Variants in PSMD1 observed in about 807,000 individuals in gnomAD.
PSMD1 encodes proteasome 26S subunit, non-ATPase 1, also known as 26S proteasome non-ATPase regulatory subunit 1.
Under a neutral mutation model 119.0 loss-of-function variants are expected in PSMD1, and 18 were observed. The ratio of observed to expected loss-of-function variants is 0.15; its 90% confidence interval spans 0.10 to 0.22. The LOEUF (loss-of-function observed/expected upper bound fraction) is 0.22, where lower values mean the gene tolerates loss of function less well. Among genes scored for constraint, PSMD1 ranks in the 10% least tolerant of loss-of-function variants. The pLI, the probability that PSMD1 is intolerant of heterozygous loss-of-function variation, is 1.00. For synonymous variants in PSMD1, 374 were observed against 396.6 expected, an observed-to-expected ratio of 0.94 and a Z score of 0.68; for missense variants, 702 against 1,158.5, an observed-to-expected ratio of 0.61 and a Z score of 5.72.
intron 18 of PSMD1, among the ~76,000 whole-genome samples, chr2:231,147,846 C>G (rs1696286257): frequency 6.6e-6 from 1 of 152,144 alleles, no homozygotes; most frequent in Non-Finnish European, 1.5e-5. Flanking sequence ...GCACACCACC[C>G]TCATTTTCAG....
chr2:231,132,098 AATT>A (rs1191322426), intron 16 of PSMD1, among the ~76,000 whole-genome samples: 6 of 152,142 alleles, frequency 3.9e-5, no homozygotes, highest in Admixed American at 6.6e-5. Flanking sequence ...TCTCAGGCAA[AATT>A]TTTTCTAAAC....
intron 16 of PSMD1, among the ~76,000 whole-genome samples, chr2:231,106,487 G>A (rs776298246): frequency 1.4e-4 from 22 of 151,992 alleles, no homozygotes; most frequent in African/African-American, 3.9e-4. Flanking sequence ...GTGTGGGGGC[G>A]GGCACCTGTA....
intron 15 of PSMD1, among the ~76,000 whole-genome samples, chr2:231,086,639 A>G (rs1278800164): frequency 6.6e-6 from 1 of 152,246 alleles, no homozygotes; most frequent in East Asian, 1.9e-4. Flanking sequence ...CCTGGGTGAC[A>G]GAGTGAGACT....
Position 231,146,367 on chromosome 2 carries a change from A to G in PSMD1, c.2115+11A>G, listed in dbSNP as rs566486501. 6.3e-6 allele frequency: 10 copies of G among 1,584,642 alleles called. No individual in the cohort carries two copies. The East Asian group carries it at 1.8e-4, about 28-fold the overall frequency. ...ATCACTTGTCCAAAGGTGAGCAAACAAAGAAATTCCCTGGAAGAGAGATGG... is the reference window on the plus strand; with the variant it reads ...ATCACTTGTCCAAAGGTGAGCAAACGAAGAAATTCCCTGGAAGAGAGATGG... On this transcript the variant is annotated intron_variant, in intron 18 of 24. Coordinates refer to ENST00000308696, the MANE Select transcript of PSMD1 (RefSeq NM_002807.4).
In PSMD1 at chr2:231,108,617, C is replaced by T. The variant is rs759860581; in HGVS notation, c.1883+21436C>T. 2.2e-5 allele frequency: 36 copies of T among 1,613,796 alleles called. No individual in the cohort carries two copies. The East Asian group carries it at 6.7e-4, about 30-fold the overall frequency. ...TGATGAAGACTGAATGGTTGAACTT[C>T]GGAGCCTCATTGGACTCTGGTACAT... On this transcript the variant is annotated intron_variant, in intron 16 of 24. Transcript: ENST00000308696.
chr2:231,148,007 A>C (rs977500405), intron 18 of PSMD1, among the ~76,000 whole-genome samples: 11 of 152,208 alleles, frequency 7.2e-5, no homozygotes, highest in Admixed American at 6.5e-4. Flanking sequence ...TCTGTCTCAA[A>C]ATCATTTTCA....
intron 16 of PSMD1, among the ~76,000 whole-genome samples, chr2:231,100,065 C>G (rs1694826835): frequency 6.6e-6 from 1 of 152,152 alleles, no homozygotes; most frequent in South Asian, 2.1e-4. Flanking sequence ...TGATTTCTCA[C>G]CCCTGAGGCC....
chr2:231,147,340 A>T (rs769993042), intron 18 of PSMD1, among the ~76,000 whole-genome samples: 7 of 152,130 alleles, frequency 4.6e-5, no homozygotes, highest in Admixed American at 3.3e-4. Flanking sequence ...ACAAAGAATT[A>T]AAAAGGAATT....
At chr2:231,156,735 A>G (rs1696516181) in intron 19 of PSMD1, among the ~76,000 whole-genome samples, 1 of 152,262 alleles carries the variant, frequency 6.6e-6, no homozygotes, top group African/African-American at 2.4e-5. Context: ...TACAGTGTAC[A>G]TGGTGCTTTG....
chr2:231,145,574 T>G (rs993562440), intron 17 of PSMD1, among the ~76,000 whole-genome samples: 1 of 152,144 alleles, frequency 6.6e-6, no homozygotes, highest in African/African-American at 2.4e-5. Context: ...TTTAATTTTT[T>G]GACTCTTGTA....
chr2:231,115,354 T>C (rs1229552416), intron 16 of PSMD1, among the ~76,000 whole-genome samples: 1 of 152,164 alleles, frequency 6.6e-6, no homozygotes, highest in African/African-American at 2.4e-5. Flanking sequence ...ACACATCTAC[T>C]TTTTGGTGCC....
intron 16 of PSMD1, among the ~76,000 whole-genome samples, chr2:231,129,222 C>A (rs896362723): frequency 6.6e-5 from 10 of 152,176 alleles, no homozygotes; most frequent in African/African-American, 2.4e-4. Flanking sequence ...CAATACAGTT[C>A]TCAATGAATA....
At chr2:231,057,272 A>G (rs530207718) in intron 1 of PSMD1, among the ~76,000 whole-genome samples, 179 of 152,086 alleles carry the variant, frequency 1.2e-3, no homozygotes, top group African/African-American at 4.1e-3. Flanking sequence ...TCCCTCCCCA[A>G]TCACACCCCA....
intron 16 of PSMD1, chr2:231,109,163 A>G (rs747380304): frequency 4.3e-6 from 7 of 1,614,136 alleles, no homozygotes; most frequent in Non-Finnish European, 5.9e-6. Context: ...CCTTTGGAAA[A>G]CTGTAGACAC....
intron 16 of PSMD1, among the ~76,000 whole-genome samples, chr2:231,097,038 A>G (rs551478084): frequency 2.9e-4 from 44 of 152,372 alleles, no homozygotes; most frequent in African/African-American, 1.0e-3. Flanking sequence ...TAGAACTCAT[A>G]TCTAACAATC....
chr2:231,066,819 GTA>G, intron 4 of PSMD1, 85 bp from the exon 5 acceptor site: 1 of 1,079,268 alleles, frequency 9.3e-7, no homozygotes, highest in Non-Finnish European at 1.3e-6. Context: ...CATCCCATAA[GTA>G]TATATGATTA....
chr2:231,078,223 G>A (rs1694215169), intron 9 of PSMD1, among the ~76,000 whole-genome samples: 1 of 151,998 alleles, frequency 6.6e-6, no homozygotes, highest in Non-Finnish European at 1.5e-5. Context: ...AGCCGAGATC[G>A]TACCACTGCA....
intron 17 of PSMD1, among the ~76,000 whole-genome samples, chr2:231,139,253 C>G (rs1696044512): frequency 1.3e-5 from 2 of 151,752 alleles, no homozygotes. Context: ...ATCCACCCGC[C>G]TTGGCCTCCC....
At chr2:231,140,469 C>T (rs1335077672) in intron 17 of PSMD1, among the ~76,000 whole-genome samples, 13 of 136,386 alleles carry the variant, frequency 9.5e-5, no homozygotes, top group African/African-American at 3.4e-4. Context: ...GCACTTCAGC[C>T]TGGGTGACAG....
Sources: gnomAD v4.1 joint callset for allele counts (sites outside exome capture counted in the v4.1 genomes callset) on GRCh38, gnomAD v4.1.1 for gene constraint, MANE v1.5 for transcripts, NCBI Gene and HGNC (gene_info 2026-07-23, HGNC 2026-07-21) for gene names.